The following EDC3 variants were observed in gnomAD, a reference collection of about 807,000 sequenced individuals.
EDC3 encodes the protein enhancer of mRNA-decapping protein 3.
Under a neutral mutation model 41.8 loss-of-function variants are expected in EDC3, and 20 were observed. The observed-to-expected ratio is 0.48, with a 90% CI of 0.34 to 0.70. The LOEUF is 0.70. Ranked by LOEUF, EDC3 falls within the 30% of genes least tolerant of loss-of-function variation. The pLI, the probability that EDC3 is intolerant of heterozygous loss-of-function variation, is 0.01. For missense variants in EDC3, 444 were observed against 636.8 expected, an observed-to-expected ratio of 0.70 and a Z score of 3.26; for synonymous variants, 206 against 243.2, an observed-to-expected ratio of 0.85 and a Z score of 1.42.
At position 74,655,775 on chromosome 15, in the gene EDC3, G is replaced by A. The variant is rs748142645; in HGVS notation, c.778C>T (p.Arg260Trp). ...CTCACGTTGTGGGGCACTATGATCC[G>A]TCGATAGACAATGGGCTCGGACTCC... The part of the protein sequence containing the change: ...ILESEPIVYR[R>W]IIVPHNVSKE... The change falls in exon 4 of 7, where the codon CGG becomes TGG. Residue 260 changes from arginine (R) to tryptophan (W), a missense_variant. Around this residue, in one of 3 missense-constraint regions of EDC3, gnomAD observed 242 missense variants for 363.8 expected, o/e 0.67. Coordinates refer to ENST00000315127, the MANE Select transcript of EDC3 (RefSeq NM_025083.5). 7.4e-6 allele frequency: 12 copies of A among 1,614,030 alleles called. No individual in the cohort carries two copies. Among genetic ancestry groups the A allele is most frequent in the Admixed American group, 5.0e-5 (3 of 60,026 alleles).
intron 1 of EDC3, among the ~76,000 whole-genome samples, 154 bp from the exon 2 acceptor site, chr15:74,675,296 AT>A (rs1567176357): frequency 2.6e-5 from 4 of 151,920 alleles, no homozygotes; most frequent in East Asian, 3.9e-4. Flanking sequence ...AAAAATTAAA[AT>A]TTTTTTTCAG....
At position 74,671,483 on chromosome 15, in the gene EDC3, G is replaced by C; in HGVS notation, c.456C>G (p.Ser152=). Residue 152 remains serine (S), a synonymous_variant, in exon 3 of 7, where the codon TCC becomes TCG. Transcript: ENST00000315127. This position sits in a 1 kb window ranked among gnomAD's most constrained non-coding sequence, Gnocchi z 4.6. ...VDRHMESLSQ[S]KSFRRRHNSW... ...AGTTGTGCCGACGACGGAAACTTTT[G>C]GACTGACTCAAGGATTCCATGTGCC... 6.2e-7 allele frequency: 1 copy of C among 1,611,384 alleles called. No individual in the cohort carries two copies. The highest frequency in any genetic ancestry group is 8.5e-7 in the Non-Finnish European group (1 of 1,178,140).
At chr15:74,667,456 G>A (rs2062688792) in intron 3 of EDC3, among the ~76,000 whole-genome samples, 2 of 120,380 alleles carry the variant, frequency 1.7e-5, no homozygotes, top group Non-Finnish European at 3.5e-5. Flanking sequence ...GAGGGGGAGA[G>A]GGAGGGGGTG....
intron 3 of EDC3, among the ~76,000 whole-genome samples, chr15:74,661,796 A>G (rs989370432): frequency 6.6e-6 from 1 of 152,066 alleles, no homozygotes; most frequent in African/African-American, 2.4e-5. Flanking sequence ...AATGAAAAAC[A>G]ATTCAGTACA....
Position 74,632,332 on chromosome 15 carries a change from G to A in EDC3, c.*280C>T. On this transcript the variant is annotated 3_prime_UTR_variant, in exon 7 of 7. Coordinates refer to ENST00000315127, the MANE Select transcript of EDC3 (RefSeq NM_025083.5). This position sits in a 1 kb window ranked among gnomAD's most constrained non-coding sequence, Gnocchi z 4.0. ...AACACAGTCTTGAGAGCTGCCTACGGCTGTAAACAAAGGCCCACCTGGCCG... is the reference window on the plus strand; with the variant it reads ...AACACAGTCTTGAGAGCTGCCTACGACTGTAAACAAAGGCCCACCTGGCCG... 2.0e-6 allele frequency: 1 copy of A among 490,830 alleles called. No homozygotes were observed. Among genetic ancestry groups the A allele is most frequent in the Non-Finnish European group, 3.7e-6 (1 of 269,512 alleles). 30.4% of individuals were successfully genotyped at this position (490,830 alleles called of 1,614,324 possible). A position where few individuals can be genotyped will look rare whatever the true frequency, so the allele number is the denominator to read the frequency against.
At chr15:74,677,028 A>G (rs548384378) in intron 1 of EDC3, 24 of 152,166 alleles carry the variant, frequency 1.6e-4, no homozygotes, top group Admixed American at 3.9e-4. Flanking sequence ...CATTGCTGAC[A>G]GGAATGCAAA....
At position 74,673,439 on chromosome 15, in the gene EDC3, C is replaced by T. The variant is rs188855266; in HGVS notation, c.164+1522G>A. Among the ~76,000 whole-genome samples, 10 of 152,126 alleles carry T rather than the reference C, an allele frequency of 6.6e-5. No individual in the cohort carries two copies. The South Asian group carries it at 8.3e-4, about 13-fold the overall frequency. On this transcript the variant is annotated intron_variant, in intron 2 of 6. Coordinates refer to ENST00000315127, the MANE Select transcript of EDC3 (RefSeq NM_025083.5). ...AAAACAAATCTACAGGAAAACATAACGAGATTAGCTCCGAAAATCTTGCAT... is the reference window on the plus strand; with the variant it reads ...AAAACAAATCTACAGGAAAACATAATGAGATTAGCTCCGAAAATCTTGCAT...
intron 4 of EDC3, among the ~76,000 whole-genome samples, chr15:74,647,977 T>C (rs117325049): frequency 6.6e-6 from 1 of 151,980 alleles, no homozygotes; most frequent in Non-Finnish European, 1.5e-5. Context: ...CGTTGGGGAA[T>C]GAAGTTGGGG....
intron 4 of EDC3, among the ~76,000 whole-genome samples, chr15:74,647,073 G>A (rs1327251464): frequency 2.7e-5 from 4 of 149,670 alleles, no homozygotes; most frequent in South Asian, 2.1e-4. Flanking sequence ...GCAGTGGTGC[G>A]ATCTCGGCTT....
intron 6 of EDC3, chr15:74,635,149 T>G: frequency 1.5e-6 from 1 of 670,352 alleles, no homozygotes; most frequent in Middle Eastern, 2.4e-4. Context: ...GCCATATCCC[T>G]AGCATCAGGA....
At chr15:74,667,145 C>T (rs1305692121) in intron 3 of EDC3, among the ~76,000 whole-genome samples, 1 of 151,962 alleles carries the variant, frequency 6.6e-6, no homozygotes, top group Non-Finnish European at 1.5e-5. Flanking sequence ...AGGTTTCTCA[C>T]TGTTGGAGTG....
chr15:74,678,219 A>G (rs2062828026), intron 1 of EDC3, among the ~76,000 whole-genome samples: 1 of 151,994 alleles, frequency 6.6e-6, no homozygotes, highest in Non-Finnish European at 1.5e-5. Flanking sequence ...GTGAACCCTA[A>G]TGTTAACTAT....
chr15:74,679,470 CA>C (rs1187906816), intron 1 of EDC3, among the ~76,000 whole-genome samples: 2 of 152,056 alleles, frequency 1.3e-5, no homozygotes, highest in South Asian at 2.1e-4. Flanking sequence ...ATCATTTTAA[CA>C]GAATGAGAAA....
intron 4 of EDC3, among the ~76,000 whole-genome samples, chr15:74,652,576 G>A (rs1484704691): frequency 6.7e-6 from 1 of 148,768 alleles, no homozygotes; most frequent in East Asian, 2.0e-4. Context: ...GATGTGATGG[G>A]TAAGGTTTTT....
Position 74,646,319 on chromosome 15 carries a change from C to T in EDC3, c.821-5700G>A, listed in dbSNP as rs549114144. Among the ~76,000 whole-genome samples, 5 of 152,264 alleles carry T rather than the reference C, an allele frequency of 3.3e-5. No homozygotes were observed. The South Asian group carries it at 6.2e-4, about 19-fold the overall frequency. ...AACTCCTGACCCCAGGTGATCCACC[C>T]GCCTCGACCTCCCAAAGTGTTGGGA... On this transcript the variant is annotated intron_variant, in intron 4 of 6. Transcript: ENST00000315127.
intron 4 of EDC3, among the ~76,000 whole-genome samples, chr15:74,645,943 T>A (rs1376660440): frequency 6.6e-6 from 1 of 151,942 alleles, no homozygotes; most frequent in East Asian, 1.9e-4. Context: ...AAAATGTTTA[T>A]AGAGTAACAG....
chr15:74,631,960 C>T lies in EDC3; in HGVS notation c.*652G>A, dbSNP rs1180705675. 2 of 154,620 alleles carry T rather than the reference C, an allele frequency of 1.3e-5. No individual in the cohort carries two copies. Among genetic ancestry groups the T allele is most frequent in the Admixed American group, 1.3e-4 (2 of 15,814 alleles). 9.6% of individuals were successfully genotyped at this position (154,620 alleles called of 1,614,324 possible). ...CAGTAACACCATCCTAATGCCGCCC[C>T]CTTCCCTACCTCTGAGTGATGGAGG... is the stretch of plus-strand genomic sequence containing the variant. On this transcript the variant is annotated 3_prime_UTR_variant, in exon 7 of 7. Transcript: ENST00000315127.
intron 1 of EDC3, among the ~76,000 whole-genome samples, chr15:74,694,821 C>T (rs1195187997): frequency 1.3e-5 from 2 of 152,090 alleles, no homozygotes; most frequent in African/African-American, 4.8e-5. Context: ...AATTTTGAGA[C>T]ACTTTTCTAG....
At chr15:74,641,425 G>A (rs2062350314) in intron 4 of EDC3, 1 of 152,666 alleles carries the variant, frequency 6.6e-6, no homozygotes, top group South Asian at 2.1e-4. Flanking sequence ...GCTGGTGTAT[G>A]TGAAGAAGTC....
Sources: allele counts gnomAD v4.1 joint callset (sites outside exome capture counted in the v4.1 genomes callset), GRCh38; gene constraint gnomAD v4.1.1; regional missense constraint gnomAD v4.1.1; non-coding constraint Gnocchi (gnomAD v3.1); transcripts MANE v1.5; gene names NCBI Gene and HGNC (gene_info 2026-07-23, HGNC 2026-07-21).